Variants in OXR1 observed in about 807,000 individuals in gnomAD.
OXR1 encodes oxidation resistance 1, also known as oxidation resistance protein 1.
In OXR1, 41 loss-of-function variants were observed where a neutral mutation model predicts 104.6. The ratio of observed to expected loss-of-function variants is 0.39; its 90% confidence interval spans 0.31 to 0.51. The LOEUF is 0.51. Among genes scored for constraint, OXR1 ranks in the 20% least tolerant of loss-of-function variants. The pLI is 0.77. For missense variants in OXR1, 955 were observed against 1,031.9 expected, an observed-to-expected ratio of 0.93 and a Z score of 1.02; for synonymous variants, 348 against 348.4, an observed-to-expected ratio of 1.00 and a Z score of 0.01.
intron 11 of OXR1, among the ~76,000 whole-genome samples, chr8:106,718,606 G>A (rs983418531): frequency 1.3e-5 from 2 of 152,080 alleles, no homozygotes; most frequent in Non-Finnish European, 2.9e-5. Flanking sequence ...TTGGGAGGCC[G>A]AGACAGGTGG....
intron 3 of OXR1, among the ~76,000 whole-genome samples, chr8:106,633,381 T>C (rs921600864): frequency 3.3e-5 from 5 of 152,220 alleles, no homozygotes; most frequent in African/African-American, 1.2e-4. Flanking sequence ...TCTTCAAAAG[T>C]TATTGATTTT....
intron 3 of OXR1, among the ~76,000 whole-genome samples, chr8:106,554,885 T>G (rs1222531509): frequency 2.0e-5 from 3 of 152,194 alleles, no homozygotes; most frequent in South Asian, 2.1e-4. Flanking sequence ...ATTGATATTT[T>G]TATTTATTTT....
At chr8:106,553,141 A>G (rs1815991468) in intron 3 of OXR1, among the ~76,000 whole-genome samples, 1 of 152,158 alleles carries the variant, frequency 6.6e-6, no homozygotes, top group Admixed American at 6.5e-5. Flanking sequence ...CCAGCATGGC[A>G]CATGTATACA....
rs149127104 is a variant in OXR1, at chr8:106,364,477, G to T, written c.23+4841G>T. On this transcript the variant is annotated intron_variant, in intron 2 of 16. Coordinates refer to ENST00000517566, the MANE Select transcript of OXR1 (RefSeq NM_001198533.2). ...CACCAGTAGTCCCAGCTACTCAGGA[G>T]GCTGAGGCAGGAGAATTACTTGAAA... is the stretch of plus-strand genomic sequence containing the variant. Among the ~76,000 whole-genome samples, 1,061 of 152,188 alleles carry T rather than the reference G, an allele frequency of 7.0e-3. 17 individuals carry two copies. Among genetic ancestry groups the T allele is most frequent in the African/African-American group, 0.024 (1,005 of 41,520 alleles).
chr8:106,721,690 A>G (rs908656344), intron 11 of OXR1, among the ~76,000 whole-genome samples: 16 of 152,218 alleles, frequency 1.1e-4, no homozygotes, highest in African/African-American at 3.6e-4. Context: ...TTAACTACTT[A>G]CTATATAAAC....
At chr8:106,590,121 G>A (rs373585094) in intron 3 of OXR1, among the ~76,000 whole-genome samples, 1 of 152,168 alleles carries the variant, frequency 6.6e-6, no homozygotes, top group Non-Finnish European at 1.5e-5. Flanking sequence ...GCACCTAAGA[G>A]TATGACAACA....
At chr8:106,647,619 T>C (rs866837451) in intron 3 of OXR1, among the ~76,000 whole-genome samples, 1 of 152,220 alleles carries the variant, frequency 6.6e-6, no homozygotes, top group Non-Finnish European at 1.5e-5. Context: ...GTTTCTAAAC[T>C]TACAAAATCT....
At chr8:106,676,300 C>G (rs1827585616) in intron 3 of OXR1, among the ~76,000 whole-genome samples, 1 of 152,018 alleles carries the variant, frequency 6.6e-6, no homozygotes, top group Non-Finnish European at 1.5e-5. Flanking sequence ...ACATTTAGCC[C>G]ACTTACATTT....
At chr8:106,393,384 C>G (rs1817657186) in intron 2 of OXR1, among the ~76,000 whole-genome samples, 1 of 152,154 alleles carries the variant, frequency 6.6e-6, no homozygotes, top group Non-Finnish European at 1.5e-5. Context: ...GAGTCATAAT[C>G]TAGCCACCAA....
intron 1 of OXR1, among the ~76,000 whole-genome samples, chr8:106,320,528 C>T (rs1191262536): frequency 1.3e-5 from 2 of 152,090 alleles, no homozygotes. Flanking sequence ...GGTTTTAGGG[C>T]AAAGTAGTAT....
intron 1 of OXR1, among the ~76,000 whole-genome samples, chr8:106,334,636 G>A (rs2130239819): frequency 6.6e-6 from 1 of 151,950 alleles, no homozygotes; most frequent in East Asian, 1.9e-4. Flanking sequence ...TAGTCCCTGG[G>A]GCAACCACTA....
chr8:106,507,800 C>T (rs564696473), intron 2 of OXR1, among the ~76,000 whole-genome samples: 1 of 152,132 alleles, frequency 6.6e-6, no homozygotes, highest in South Asian at 2.1e-4. Context: ...GTTTTTCTCC[C>T]TTTCCTGCAT....
chr8:106,578,794 T>C (rs555177275), intron 3 of OXR1, among the ~76,000 whole-genome samples: 93 of 152,286 alleles, frequency 6.1e-4, no homozygotes, highest in Non-Finnish European at 1.1e-3. Flanking sequence ...CTTGGCAAAA[T>C]AGTCAGCACA....
chr8:106,468,378 T>C (rs1471250607), intron 2 of OXR1, among the ~76,000 whole-genome samples: 1 of 151,818 alleles, frequency 6.6e-6, no homozygotes, highest in African/African-American at 2.4e-5. Context: ...AGTATGTGAT[T>C]ATTAGAAGAT....
chr8:106,498,072 G>C (rs76241089), intron 2 of OXR1, among the ~76,000 whole-genome samples: 1 of 152,070 alleles, frequency 6.6e-6, no homozygotes, highest in East Asian at 1.9e-4. Flanking sequence ...TTCCATGCTA[G>C]AAATTTGCTT....
intron 3 of OXR1, among the ~76,000 whole-genome samples, chr8:106,623,824 G>A (rs919545121): frequency 6.6e-6 from 1 of 152,218 alleles, no homozygotes; most frequent in African/African-American, 2.4e-5. Flanking sequence ...GAAAGGCTGT[G>A]TTGAATTTAA....
chr8:106,378,774 G>A (rs1033305516), intron 2 of OXR1, among the ~76,000 whole-genome samples: 1 of 152,192 alleles, frequency 6.6e-6, no homozygotes, highest in African/African-American at 2.4e-5. Flanking sequence ...CTCCCAAAGT[G>A]TTGGGATTAC....
chr8:106,345,004 CT>C (rs1027760473), intron 1 of OXR1, among the ~76,000 whole-genome samples: 2 of 152,200 alleles, frequency 1.3e-5, no homozygotes, highest in African/African-American at 4.8e-5. Flanking sequence ...GCTGTGCTTC[CT>C]TTTGTCCAAT....
chr8:106,301,616 A>G (rs1175530832), intron 1 of OXR1, among the ~76,000 whole-genome samples: 1 of 152,232 alleles, frequency 6.6e-6, no homozygotes, highest in Non-Finnish European at 1.5e-5. Flanking sequence ...GATTGTAAAT[A>G]GTACCCAGAC....
Sources: gnomAD v4.1 joint callset for allele counts (sites outside exome capture counted in the v4.1 genomes callset) on GRCh38, gnomAD v4.1.1 for gene constraint, MANE v1.5 for transcripts, NCBI Gene and HGNC (gene_info 2026-07-23, HGNC 2026-07-21) for gene names.